Variants in PRMT1 observed in about 807,000 individuals in gnomAD.
PRMT1 encodes protein arginine methyltransferase 1.
In PRMT1, 5 loss-of-function variants were observed where a neutral mutation model predicts 47.4. The observed-to-expected ratio is 0.11, with a 90% CI of 0.06 to 0.22. PRMT1 has a LOEUF of 0.22. Among genes scored for constraint, PRMT1 ranks in the 10% least tolerant of loss-of-function variants. The pLI, the probability that PRMT1 is intolerant of heterozygous loss-of-function variation, is 1.00. For synonymous variants in PRMT1, 227 were observed against 204.6 expected, an observed-to-expected ratio of 1.11 and a Z score of -0.94; for missense variants, 249 against 518.4, an observed-to-expected ratio of 0.48 and a Z score of 5.05.
Position 49,685,374 on chromosome 19 carries a change from G to T in PRMT1, c.759+337G>T. On this transcript the variant is annotated intron_variant, in intron 8 of 10. Transcript: ENST00000454376. The surrounding 1 kb of genome is among the most constrained non-coding windows in gnomAD (Gnocchi z 4.7). ...GCGGGCCACTGCAGAAGAGCACGGGGCCAGGCTGGGCTCCGAGATGTGCCT... is the reference window on the plus strand; with the variant it reads ...GCGGGCCACTGCAGAAGAGCACGGGTCCAGGCTGGGCTCCGAGATGTGCCT... The T allele has an allele frequency of 8.0e-7, 1 of 1,248,802 alleles. No individual in the cohort carries two copies. Among genetic ancestry groups the T allele is most frequent in the Non-Finnish European group, 1.0e-6 (1 of 982,952 alleles). 77.4% of individuals were successfully genotyped at this position (1,248,802 alleles called of 1,614,324 possible).
In PRMT1 at chr19:49,680,605, C is replaced by A. The variant is rs542214992; in HGVS notation, c.192+17C>A. The A allele has an allele frequency of 6.8e-5, 107 of 1,567,288 alleles. 1 individual carries two copies. In the South Asian group the frequency reaches 1.2e-3, roughly 17 times the overall value. ...ATCCACGAGGTCAGTGGGGACAGTCCCCAAGGCCCCAATCTTAGGGGGGCT... is the reference window on the plus strand; with the variant it reads ...ATCCACGAGGTCAGTGGGGACAGTCACCAAGGCCCCAATCTTAGGGGGGCT... On this transcript the variant is annotated intron_variant, in intron 3 of 10. Transcript: ENST00000454376. The surrounding 1 kb of genome is among the most constrained non-coding windows in gnomAD (Gnocchi z 4.2).
intron 10 of PRMT1, chr19:49,687,766 G>T (rs372537863): frequency 2.8e-5 from 8 of 282,628 alleles, no homozygotes; most frequent in Admixed American, 2.1e-4. Flanking sequence ...GGAGGGTATG[G>T]GGGGAGGAGA....
Position 49,685,433 on chromosome 19 carries a change from C to CT in PRMT1, c.759+397dup. 1 of 1,183,220 alleles carries CT rather than the reference C, an allele frequency of 8.5e-7. No individual in the cohort carries two copies. The highest frequency in any genetic ancestry group is 1.1e-6 in the Non-Finnish European group (1 of 944,390). 73.3% of individuals were successfully genotyped at this position (1,183,220 alleles called of 1,614,324 possible). A position where few individuals can be genotyped will look rare whatever the true frequency, so the allele number is the denominator to read the frequency against. On this transcript the variant is annotated intron_variant, in intron 8 of 10. Transcript: ENST00000454376. This position sits in a 1 kb window ranked among gnomAD's most constrained non-coding sequence, Gnocchi z 4.7. Reference sequence around the variant, plus strand: ...AGCTACTCGGGAGGATCACTTGGGCCTGGGAGTTCAAGGCTGCAGTGAGCT... The same window carrying CT: ...AGCTACTCGGGAGGATCACTTGGGCCTTGGGAGTTCAAGGCTGCAGTGAGCT...
At chr19:49,682,562 G>A (rs1226015313) in intron 5 of PRMT1, among the ~76,000 whole-genome samples, 2 of 152,166 alleles carry the variant, frequency 1.3e-5, no homozygotes, top group East Asian at 3.9e-4. Flanking sequence ...CCTCCTCTGA[G>A]TTTAACCAAC....
chr19:49,677,972 C>T (rs886806503), intron 1 of PRMT1, among the ~76,000 whole-genome samples: 2 of 152,192 alleles, frequency 1.3e-5, no homozygotes, highest in African/African-American at 4.8e-5. Context: ...CTCCCCCTCG[C>T]CCAGGGCTTT....
At position 49,684,018 on chromosome 19, in the gene PRMT1, C is replaced by T. The variant is rs1435043386; in HGVS notation, c.504C>T (p.Leu168=). Residue 168 remains leucine, a synonymous_variant, in exon 6 of 11, where the codon CTC becomes CTT. Coordinates refer to ENST00000454376, the MANE Select transcript of PRMT1 (RefSeq NM_001536.6). This position sits in a 1 kb window ranked among gnomAD's most constrained non-coding sequence, Gnocchi z 6.2. ...IIISEWMGYC[L]FYESMLNTVL... ...TCAGCGAGTGGATGGGCTACTGCCT[C>T]TTCTACGAGTCCATGCTCAACACCG... 1 of 1,614,114 alleles carries T rather than the reference C, an allele frequency of 6.2e-7. No homozygotes were observed. The highest frequency in any genetic ancestry group is 2.2e-5 in the East Asian group (1 of 44,898).
upstream of PRMT1, chr19:49,677,136 C>A: frequency 1.4e-6 from 1 of 692,114 alleles, no homozygotes; most frequent in Non-Finnish European, 2.1e-6. Context: ...ACGGTATTCT[C>A]AGACGGGCCG....
upstream of PRMT1, chr19:49,677,212 G>C: frequency 7.3e-7 from 1 of 1,371,366 alleles, no homozygotes; most frequent in African/African-American, 1.5e-5. Context: ...TCTGGTATAA[G>C]GCGGTCCCGG....
chr19:49,683,361 G>C (rs2082149783), intron 5 of PRMT1, among the ~76,000 whole-genome samples: 1 of 152,020 alleles, frequency 6.6e-6, no homozygotes, highest in Non-Finnish European at 1.5e-5. Flanking sequence ...ATGTGATCAT[G>C]CTGTTACTTA....
chr19:49,677,968 C>T (rs1268876875), intron 1 of PRMT1, among the ~76,000 whole-genome samples: 1 of 152,194 alleles, frequency 6.6e-6, no homozygotes, highest in Non-Finnish European at 1.5e-5. Flanking sequence ...AATTCTCCCC[C>T]TCGCCCAGGG....
intron 10 of PRMT1, among the ~76,000 whole-genome samples, chr19:49,687,123 G>A (rs542362618): frequency 6.6e-6 from 1 of 152,276 alleles, no homozygotes; most frequent in South Asian, 2.1e-4. Context: ...GCAGCCCCCA[G>A]TAGAGTGCAC....
Position 49,685,107 on chromosome 19 carries a change from A to G in PRMT1, c.759+70A>G, listed in dbSNP as rs2122997804. ...AGAGAGGCCATCACCTGGCCCTGGC[A>G]TGGGACTTTGGGGCCCAGAATGTTG... On this transcript the variant is annotated intron_variant, in intron 8 of 10. Transcript: ENST00000454376. The surrounding 1 kb of genome is among the most constrained non-coding windows in gnomAD (Gnocchi z 4.7). 1 of 1,603,052 alleles carries G rather than the reference A, an allele frequency of 6.2e-7. No homozygotes were observed. Among genetic ancestry groups the G allele is most frequent in the South Asian group, 1.1e-5 (1 of 89,884 alleles).
rs1249205853 is a variant in PRMT1 at position 49,680,500 on chromosome 19, A to G, written c.104A>G (p.Gln35Arg). 6.2e-7 allele frequency: 1 copy of G among 1,613,992 alleles called. No homozygotes were observed. The highest frequency in any genetic ancestry group is 1.3e-5 in the African/African-American group (1 of 75,000). Residue 35 changes from glutamine (Q) to arginine (R), a missense_variant, in exon 3 of 11, where the codon CAG (glutamine) becomes CGG (arginine). Coordinates refer to ENST00000454376, the MANE Select transcript of PRMT1 (RefSeq NM_001536.6). The surrounding 1 kb of genome is among the most constrained non-coding windows in gnomAD (Gnocchi z 4.2). ...GCCCCCTCCCAGGTGTCCTGTGGCC[A>G]GGCGGAAAGCAGTGAGAAGCCCAAC... is the stretch of plus-strand genomic sequence containing the variant. ...QPPLEEVSCG[Q>R]AESSEKPNAE...
chr19:49,688,351 C>T lies in PRMT1; in HGVS notation c.*106C>T, dbSNP rs1476022637. On this transcript the variant is annotated 3_prime_UTR_variant, in exon 11 of 11. Coordinates refer to ENST00000454376, the MANE Select transcript of PRMT1 (RefSeq NM_001536.6). This position sits in a 1 kb window ranked among gnomAD's most constrained non-coding sequence, Gnocchi z 5.3. ...CTCCCGCAGAAGGGGGTTTTAGGGG[C>T]CTGGGCTGGGGGGATGGGGAGGGCA... is the stretch of plus-strand genomic sequence containing the variant. The T allele has an allele frequency of 1.3e-5, 15 of 1,111,194 alleles. No individual in the cohort carries two copies. Among genetic ancestry groups the T allele is most frequent in the South Asian group, 3.7e-5 (3 of 80,006 alleles). 68.8% of individuals were successfully genotyped at this position (1,111,194 alleles called of 1,614,324 possible). A position where few individuals can be genotyped will look rare whatever the true frequency, so the allele number is the denominator to read the frequency against.
rs961417257 is a variant in PRMT1, at chr19:49,688,056, G to A, written c.1033-106G>A. 4 of 1,011,760 alleles carry A rather than the reference G, an allele frequency of 4.0e-6. No individual in the cohort carries two copies. The highest frequency in any genetic ancestry group is 6.3e-6 in the Non-Finnish European group (4 of 634,362). 62.7% of individuals were successfully genotyped at this position (1,011,760 alleles called of 1,614,324 possible). ...CAGTTGGGGTCTGCAGCGTGGAGATGGGCAGGAAGCTGGAGCCCGGCTCAT... is the reference window on the plus strand; with the variant it reads ...CAGTTGGGGTCTGCAGCGTGGAGATAGGCAGGAAGCTGGAGCCCGGCTCAT... On this transcript the variant is annotated intron_variant, in intron 10 of 10. Transcript: ENST00000454376. This position sits in a 1 kb window ranked among gnomAD's most constrained non-coding sequence, Gnocchi z 5.3.
Position 49,679,601 on chromosome 19 carries a change from G to T in PRMT1, c.37-271G>T, listed in dbSNP as rs750711961. On this transcript the variant is annotated intron_variant, in intron 1 of 10. Coordinates refer to ENST00000454376, the MANE Select transcript of PRMT1 (RefSeq NM_001536.6). ...CTGGCCTGGATGGGGGAGGTGTGTG[G>T]TCAGCTGCCTGGCCAGAGAGGGGCA... is the stretch of plus-strand genomic sequence containing the variant. The T allele has an allele frequency of 1.6e-5, 11 of 693,970 alleles. No homozygotes were observed. In the South Asian group the frequency reaches 1.6e-4, roughly 10 times the overall value. 43.0% of individuals were successfully genotyped at this position (693,970 alleles called of 1,614,324 possible).
Position 49,684,003 on chromosome 19 carries a change from G to T in PRMT1, c.489G>T (p.Trp163Cys). ...VEKVDIIISE[W>C]MGYCLFYESM... ...AGGTGGACATCATCATCAGCGAGTG[G>T]ATGGGCTACTGCCTCTTCTACGAGT... Residue 163 changes from tryptophan to cysteine, a missense_variant, in exon 6 of 11, where the codon TGG becomes TGT. By Grantham distance (215) the Trp-to-Cys change is radical (BLOSUM62 -2). Transcript: ENST00000454376. This position sits in a 1 kb window ranked among gnomAD's most constrained non-coding sequence, Gnocchi z 6.2. The T allele has an allele frequency of 6.2e-7, 1 of 1,614,146 alleles. No homozygotes were observed. The highest frequency in any genetic ancestry group is 8.5e-7 in the Non-Finnish European group (1 of 1,180,028).
chr19:49,682,790 T>G (rs2082139308), intron 5 of PRMT1, among the ~76,000 whole-genome samples: 1 of 138,846 alleles, frequency 7.2e-6, no homozygotes, highest in Non-Finnish European at 1.5e-5. Flanking sequence ...TTTTTTTTTT[T>G]TTTTTTTTTT....
chr19:49,684,359 G>A lies in PRMT1; in HGVS notation c.555+290G>A, dbSNP rs1345830571. Among the ~76,000 whole-genome samples, 1 of 152,220 alleles carries A rather than the reference G, an allele frequency of 6.6e-6. No homozygotes were observed. The highest frequency in any genetic ancestry group is 1.9e-4 in the East Asian group (1 of 5,160). On this transcript the variant is annotated intron_variant, in intron 6 of 10. Coordinates refer to ENST00000454376, the MANE Select transcript of PRMT1 (RefSeq NM_001536.6). This position sits in a 1 kb window ranked among gnomAD's most constrained non-coding sequence, Gnocchi z 6.2. ...CGGAGAGGTGGATGAAGCATACGGA[G>A]GGGCAGCCAGGGCAGGTGTGCCCTT...
Sources: gnomAD v4.1 joint callset for allele counts (sites outside exome capture counted in the v4.1 genomes callset) on GRCh38, gnomAD v4.1.1 for gene constraint, Gnocchi (gnomAD v3.1) non-coding constraint, MANE v1.5 for transcripts, NCBI Gene and HGNC (gene_info 2026-07-23, HGNC 2026-07-21) for gene names.